Variants in SOX5 observed in about 807,000 individuals in gnomAD.
The protein encoded by SOX5 is transcription factor SOX-5.
A neutral mutation model predicts 92.0 loss-of-function variants in SOX5; 9 were observed. The observed-to-expected ratio is 0.10, with a 90% CI of 0.06 to 0.17. The LOEUF (loss-of-function observed/expected upper bound fraction) is 0.17, where lower values mean the gene tolerates loss of function less well. Ranked by LOEUF, SOX5 falls within the 10% of genes least tolerant of loss-of-function variation. SOX5 has a pLI of 1.00. For missense variants in SOX5, 642 were observed against 944.5 expected (o/e 0.68, Z 4.20); for synonymous variants, 344 against 336.3 (o/e 1.02, Z -0.25).
intron 4 of SOX5, among the ~76,000 whole-genome samples, chr12:24,001,338 T>A (rs1300022017): frequency 6.6e-6 from 1 of 152,038 alleles, no homozygotes; most frequent in South Asian, 2.1e-4. Context: ...CTGATCCTCC[T>A]ACCTTGGCCT....
intron 6 of SOX5, among the ~76,000 whole-genome samples, chr12:23,715,265 G>C (rs982204393): frequency 1.2e-4 from 17 of 143,862 alleles, no homozygotes; most frequent in East Asian, 3.9e-4. Flanking sequence ...TGCCACTGCA[G>C]TCCAGCCTGG....
At chr12:23,535,437 A>C (rs1163894289) in intron 14 of SOX5, among the ~76,000 whole-genome samples, 2 of 152,210 alleles carry the variant, frequency 1.3e-5, no homozygotes, top group Non-Finnish European at 2.9e-5. Context: ...TTGTGCTGCC[A>C]CAGACTTGAA....
intron 1 of SOX5, among the ~76,000 whole-genome samples, chr12:24,439,835 C>A (rs555834736): frequency 1.3e-5 from 2 of 152,202 alleles, no homozygotes; most frequent in African/African-American, 4.8e-5. Flanking sequence ...GCGGAGCTTG[C>A]AGCAAGCCAA....
At chr12:24,329,659 T>C (rs887511396) in intron 2 of SOX5, among the ~76,000 whole-genome samples, 3 of 152,342 alleles carry the variant, frequency 2.0e-5, no homozygotes, top group Non-Finnish European at 2.9e-5. Flanking sequence ...TGATAAATTA[T>C]TCATTTACAA....
chr12:24,496,376 C>T (rs1947639837), intron 1 of SOX5, among the ~76,000 whole-genome samples: 1 of 152,188 alleles, frequency 6.6e-6, no homozygotes, highest in Non-Finnish European at 1.5e-5. Flanking sequence ...GTGTCATTGA[C>T]TTAAAAATGT....
At position 24,302,250 on chromosome 12, in the gene SOX5, T is replaced by C. The variant is rs139026393; in HGVS notation, c.-173-24938A>G. 5.9e-3 allele frequency among the ~76,000 whole-genome samples: 901 copies of C among 152,234 alleles called. 7 individuals are homozygous for C. Among genetic ancestry groups the C allele is most frequent in the African/African-American group, 0.021 (854 of 41,536 alleles). On this transcript the variant is annotated intron_variant, in intron 2 of 4. Coordinates refer to the SOX5 transcript ENST00000446891. ...TCTCACCCCTACATATGTATGTCCA[T>C]GGGGTATTATTCAATTAAAAGAAGA...
At chr12:24,300,308 T>C (rs1396949083) in intron 2 of SOX5, among the ~76,000 whole-genome samples, 1 of 152,194 alleles carries the variant, frequency 6.6e-6, no homozygotes, top group South Asian at 2.1e-4. Flanking sequence ...TTCAGCTATA[T>C]CTGCATTAAC....
intron 8 of SOX5, among the ~76,000 whole-genome samples, chr12:23,610,982 C>T (rs1210912766): frequency 1.3e-5 from 2 of 152,060 alleles, no homozygotes; most frequent in African/African-American, 2.4e-5. Context: ...AATAAATATA[C>T]ACAATTTACT....
intron 2 of SOX5, among the ~76,000 whole-genome samples, chr12:23,869,491 T>C (rs1361248232): frequency 6.6e-6 from 1 of 152,114 alleles, no homozygotes; most frequent in Non-Finnish European, 1.5e-5. Context: ...ACCCTTTCAC[T>C]GAAACCCCAC....
intron 10 of SOX5, among the ~76,000 whole-genome samples, chr12:23,564,702 A>G (rs1276233172): frequency 6.6e-6 from 1 of 152,250 alleles, no homozygotes; most frequent in Non-Finnish European, 1.5e-5. Flanking sequence ...GAAAGGAAAT[A>G]TAAAATGGCT....
At chr12:24,152,411 C>G (rs908016976) in intron 4 of SOX5, among the ~76,000 whole-genome samples, 2 of 152,044 alleles carry the variant, frequency 1.3e-5, no homozygotes, top group African/African-American at 2.4e-5. Context: ...TGGGGTGTCC[C>G]CAGAAAGTGA....
At chr12:23,630,136 C>T (rs1052982991) in intron 8 of SOX5, among the ~76,000 whole-genome samples, 1 of 151,668 alleles carries the variant, frequency 6.6e-6, no homozygotes, top group Non-Finnish European at 1.5e-5. Context: ...ATTAAAAGCA[C>T]CTATGTAAAA....
intron 4 of SOX5, among the ~76,000 whole-genome samples, chr12:24,106,607 A>G (rs9804720): frequency 0.033 from 4,995 of 151,936 alleles, 313 homozygotes; most frequent in African/African-American, 0.11. Flanking sequence ...CCTGGCTAAC[A>G]TGGTGAAACC....
At chr12:23,976,715 A>C (rs563165480) in intron 4 of SOX5, among the ~76,000 whole-genome samples, 5 of 152,284 alleles carry the variant, frequency 3.3e-5, no homozygotes, top group Admixed American at 6.5e-5. Context: ...AGTCCCTTTT[A>C]TATGCATGGA....
At chr12:23,767,163 T>C (rs993278746) in intron 3 of SOX5, among the ~76,000 whole-genome samples, 6 of 151,724 alleles carry the variant, frequency 4.0e-5, no homozygotes, top group Non-Finnish European at 7.4e-5. Flanking sequence ...GCCATGATTG[T>C]GCCACTGCAC....
intron 4 of SOX5, among the ~76,000 whole-genome samples, chr12:24,157,629 A>G (rs1308662854): frequency 3.9e-5 from 6 of 152,096 alleles, no homozygotes; most frequent in East Asian, 3.8e-4. Context: ...CTGAATTTCA[A>G]TAAGTGATTT....
At chr12:24,486,806 T>C (rs747515677) in intron 1 of SOX5, among the ~76,000 whole-genome samples, 1 of 152,246 alleles carries the variant, frequency 6.6e-6, no homozygotes, top group South Asian at 2.1e-4. Flanking sequence ...TAACATGTAC[T>C]GAGTCCCTTA....
intron 1 of SOX5, among the ~76,000 whole-genome samples, chr12:24,508,851 T>C (rs913858388): frequency 1.3e-5 from 2 of 151,948 alleles, no homozygotes; most frequent in African/African-American, 4.8e-5. Context: ...AAATAAATAA[T>C]AAAGCTCAGA....
chr12:23,724,231 C>T (rs1021067749), intron 6 of SOX5, among the ~76,000 whole-genome samples: 2 of 152,054 alleles, frequency 1.3e-5, no homozygotes, highest in African/African-American at 4.8e-5. Context: ...GAAGACACCC[C>T]TTCAGTTTAC....
Sources: allele counts gnomAD v4.1 joint callset (sites outside exome capture counted in the v4.1 genomes callset), GRCh38; gene constraint gnomAD v4.1.1; transcripts MANE v1.5; gene names NCBI Gene and HGNC (gene_info 2026-07-23, HGNC 2026-07-21).